Variants in CTTNBP2 observed in about 807,000 individuals in gnomAD.
CTTNBP2 encodes the protein cortactin binding protein 2.
Under a neutral mutation model 156.9 loss-of-function variants are expected in CTTNBP2, and 108 were observed. That is an observed-to-expected ratio of 0.69 (90% CI 0.59 to 0.81). The LOEUF (loss-of-function observed/expected upper bound fraction) is 0.81. CTTNBP2 is among the 30% of genes least tolerant of loss of function. The pLI is 0.00. For missense variants in CTTNBP2, 1,924 were observed against 2,035.4 expected (o/e 0.95, Z 1.05); for synonymous variants, 767 against 751.8 (o/e 1.02, Z -0.33).
chr7:117,773,889 G>A (rs886762936), intron 8 of CTTNBP2, among the ~76,000 whole-genome samples: 1 of 151,958 alleles, frequency 6.6e-6, no homozygotes. Flanking sequence ...CACTGGCTTC[G>A]GCAACACATA....
chr7:117,712,413 AT>A (rs1638992139), intron 22 of CTTNBP2: 1 of 152,170 alleles, frequency 6.6e-6, no homozygotes, highest in Non-Finnish European at 1.5e-5. Flanking sequence ...AGGTAAGATG[AT>A]TTGCCCACAG....
At position 117,765,028 on chromosome 7, in the gene CTTNBP2, C is replaced by T. The variant is rs191839861; in HGVS notation, c.2896+2031G>A. Among the ~76,000 whole-genome samples, 135 of 152,254 alleles carry T rather than the reference C, an allele frequency of 8.9e-4. 4 individuals are homozygous for T. The highest frequency in any genetic ancestry group is 3.0e-3 in the African/African-American group (126 of 41,540). On this transcript the variant is annotated intron_variant, in intron 9 of 22. Transcript: ENST00000160373. ...TTGGCTCACTGCAACCTCTGCCTCC[C>T]GGGTTCAAACGATTCTCCTGCCTCA...
intron 12 of CTTNBP2, among the ~76,000 whole-genome samples, chr7:117,749,340 G>T (rs907242821): frequency 1.3e-5 from 2 of 152,200 alleles, no homozygotes; most frequent in South Asian, 2.1e-4. Context: ...GTGGGTGGAT[G>T]AAAACTTGGT....
chr7:117,789,426 C>T (rs1049387283), intron 4 of CTTNBP2, among the ~76,000 whole-genome samples: 1 of 152,110 alleles, frequency 6.6e-6, no homozygotes. Context: ...CCACACATTT[C>T]TGGAACTTGT....
chr7:117,769,890 A>G (rs1351735394), intron 8 of CTTNBP2, among the ~76,000 whole-genome samples: 1 of 152,036 alleles, frequency 6.6e-6, no homozygotes, highest in Non-Finnish European at 1.5e-5. Context: ...ATCCAAAATG[A>G]CTCTATCTAC....
intron 2 of CTTNBP2, among the ~76,000 whole-genome samples, chr7:117,857,898 A>C (rs1357737231): frequency 6.6e-6 from 1 of 152,182 alleles, no homozygotes; most frequent in East Asian, 1.9e-4. Flanking sequence ...AGGAAAAGGC[A>C]AACAGATGAC....
intron 1 of CTTNBP2, chr7:117,872,128 G>A: frequency 1.4e-5 from 3 of 208,532 alleles, no homozygotes; most frequent in Non-Finnish European, 2.5e-5. Context: ...GAAATTAGCA[G>A]TCCTCCTCCC....
chr7:117,721,870 G>C (rs1429306029), intron 19 of CTTNBP2, among the ~76,000 whole-genome samples: 3 of 152,182 alleles, frequency 2.0e-5, no homozygotes, highest in Non-Finnish European at 4.4e-5. Context: ...GTTGAAGTTT[G>C]AGAAACACTC....
chr7:117,861,544 C>G lies in CTTNBP2; in HGVS notation c.82-228G>C, dbSNP rs533729823. On this transcript the variant is annotated intron_variant, in intron 1 of 22. Coordinates refer to ENST00000160373, the MANE Select transcript of CTTNBP2 (RefSeq NM_033427.3). Reference sequence around the variant, plus strand: ...TCTCCAAGGAGCTATAGTTGCCCAGCCTGCCTGCACACCCAGACTCAAAAT... The same window carrying G: ...TCTCCAAGGAGCTATAGTTGCCCAGGCTGCCTGCACACCCAGACTCAAAAT... Among the ~76,000 whole-genome samples, 3 of 152,234 alleles carry G rather than the reference C, an allele frequency of 2.0e-5. No homozygotes were observed. In the South Asian group the frequency reaches 6.2e-4, roughly 32 times the overall value.
intron 8 of CTTNBP2, among the ~76,000 whole-genome samples, chr7:117,769,412 C>CTTA (rs1797690450): frequency 6.6e-6 from 1 of 152,154 alleles, no homozygotes; most frequent in Admixed American, 6.5e-5. Context: ...AATCTGCCTG[C>CTTA]TTGCAAAGGG....
intron 8 of CTTNBP2, among the ~76,000 whole-genome samples, chr7:117,772,542 T>C (rs1181759964): frequency 2.0e-5 from 3 of 152,160 alleles, no homozygotes; most frequent in Non-Finnish European, 4.4e-5. Flanking sequence ...GATTACCCTA[T>C]AACTGTTTAA....
rs1239064399 is a variant in CTTNBP2, at chr7:117,718,127, A to G, written c.4645-8T>C. On this transcript the variant is annotated splice_region_variant and splice_polypyrimidine_tract_variant and intron_variant, in intron 21 of 22. Coordinates refer to ENST00000160373, the MANE Select transcript of CTTNBP2 (RefSeq NM_033427.3). ...ATCCCTGGAATCAGCAATCTAGAAA[A>G]TACAGAATTTGCCCGGTCATGTCTC... 6.3e-7 allele frequency: 1 copy of G among 1,593,014 alleles called. No homozygotes were observed. Among genetic ancestry groups the G allele is most frequent in the Admixed American group, 1.7e-5 (1 of 59,838 alleles).
chr7:117,744,960 T>C (rs1796241402), intron 14 of CTTNBP2, among the ~76,000 whole-genome samples: 1 of 152,200 alleles, frequency 6.6e-6, no homozygotes, highest in Non-Finnish European at 1.5e-5. Flanking sequence ...CAACCTATCC[T>C]TCTCCAATCT....
At chr7:117,724,227 T>C (rs1794960194) in intron 19 of CTTNBP2, among the ~76,000 whole-genome samples, 6 of 152,096 alleles carry the variant, frequency 3.9e-5, no homozygotes, top group Admixed American at 3.9e-4. Flanking sequence ...AATATGCCAA[T>C]GATTTTATTA....
intron 3 of CTTNBP2, among the ~76,000 whole-genome samples, chr7:117,802,066 C>T (rs915597295): frequency 5.8e-4 from 67 of 115,714 alleles, no homozygotes; most frequent in African/African-American, 2.1e-3. Flanking sequence ...CCTCCCCCCA[C>T]CCCACCACAG....
chr7:117,828,836 TG>T (rs1801445661), intron 2 of CTTNBP2, among the ~76,000 whole-genome samples: 1 of 152,158 alleles, frequency 6.6e-6, no homozygotes, highest in Non-Finnish European at 1.5e-5. Context: ...GGGAAGTGGG[TG>T]GTGTCTATTA....
intron 2 of CTTNBP2, among the ~76,000 whole-genome samples, chr7:117,845,722 C>T (rs1158962329): frequency 1.3e-5 from 2 of 152,166 alleles, no homozygotes; most frequent in Non-Finnish European, 2.9e-5. Context: ...TAAAACATTA[C>T]CAAAGGATAT....
chr7:117,716,466 G>A (rs1298851330), intron 22 of CTTNBP2, among the ~76,000 whole-genome samples: 3 of 152,016 alleles, frequency 2.0e-5, no homozygotes, highest in Admixed American at 6.6e-5. Context: ...TAAATTCTTG[G>A]GTCCTAGAGA....
At chr7:117,852,189 A>G (rs1802970349) in intron 2 of CTTNBP2, among the ~76,000 whole-genome samples, 1 of 152,106 alleles carries the variant, frequency 6.6e-6, no homozygotes, top group Admixed American at 6.5e-5. Flanking sequence ...AAAAATAAAG[A>G]ATTTTATAAC....
Sources: gnomAD v4.1 joint callset for allele counts (sites outside exome capture counted in the v4.1 genomes callset) on GRCh38, gnomAD v4.1.1 for gene constraint, MANE v1.5 for transcripts, NCBI Gene and HGNC (gene_info 2026-07-23, HGNC 2026-07-21) for gene names.